Variants in SPX observed in about 807,000 individuals in gnomAD.
SPX encodes spexin hormone, also known as spexin.
A neutral mutation model predicts 19.2 loss-of-function variants in SPX; 22 were observed. The ratio of observed to expected loss-of-function variants is 1.15; its 90% CI spans 0.82 to 1.64. The LOEUF (loss-of-function observed/expected upper bound fraction) is 1.64. SPX is among the 40% of genes most tolerant of loss of function. SPX has a pLI of 0.00. For synonymous variants in SPX, 50 were observed against 53.3 expected (o/e 0.94, Z 0.27); for missense variants, 143 against 137.7 (o/e 1.04, Z -0.19).
intron 5 of SPX, 91 bp from the exon 6 acceptor site, chr12:21,531,046 T>C: frequency 2.5e-6 from 2 of 811,384 alleles, no homozygotes; most frequent in East Asian, 2.7e-5. Flanking sequence ...GAAGGCTAAA[T>C]GTTTATTTCC....
rs932842950 is a variant in SPX, at chr12:21,530,931, TC to T, written c.293-202del. Among the ~76,000 whole-genome samples the T allele has an allele frequency of 9.9e-5, 15 of 152,074 alleles. 1 individual carries two copies. The highest frequency in any genetic ancestry group is 8.5e-4 in the Admixed American group (13 of 15,266). On this transcript the variant is annotated intron_variant, in intron 5 of 5. Coordinates refer to ENST00000256969, the MANE Select transcript of SPX (RefSeq NM_030572.4). ...AGAGGTTCAGATGTAAAATATGAAT[TC>T]CCCAATGTGTCCCAAGCTGAGAAAA...
At chr12:21,526,778 G>A in intron 1 of SPX, 108 bp from the exon 2 acceptor site, 5 of 1,110,030 alleles carry the variant, frequency 4.5e-6, no homozygotes, top group Non-Finnish European at 5.4e-6. Flanking sequence ...TATTAAAACA[G>A]AATATTGCGA....
At chr12:21,530,146 AT>A (rs1441379025) in intron 5 of SPX, among the ~76,000 whole-genome samples, 1 of 152,206 alleles carries the variant, frequency 6.6e-6, no homozygotes, top group African/African-American at 2.4e-5. Context: ...GAAATGACTA[AT>A]TTTATTAGTC....
At chr12:21,527,948 G>T (rs929479245) in intron 4 of SPX, 159 bp downstream of exon 4, 3 of 740,146 alleles carry the variant, frequency 4.1e-6, no homozygotes, top group Admixed American at 6.5e-5. Context: ...GGGCAGCCCG[G>T]GTTGGCAGCA....
intron 5 of SPX, 65 bp from the exon 6 acceptor site, chr12:21,531,072 C>G (rs1943860783): frequency 1.0e-6 from 1 of 975,962 alleles, no homozygotes; most frequent in East Asian, 2.6e-5. Flanking sequence ...TTCTCTTTGT[C>G]TTACCTTTTC....
At chr12:21,527,879 A>G in intron 4 of SPX, 90 bp downstream of exon 4, 2 of 1,417,482 alleles carry the variant, frequency 1.4e-6, no homozygotes, top group Non-Finnish European at 1.9e-6. Context: ...TGCCGAAAGA[A>G]AGCGTCTCCT....
In SPX at chr12:21,529,004, G is replaced by A; in HGVS notation, c.212G>A (p.Arg71Lys). The change falls in exon 5 of 6, where the codon AGA (arginine) becomes AAA (lysine). Residue 71 changes from arginine (R) to lysine (K), a missense_variant. Physicochemically the swap from Arg to Lys is conservative, Grantham distance 26. Transcript: ENST00000256969. The stretch of plus-strand genomic sequence containing the variant: ...GTATACATTTTTGTTTCTGCAGAAA[G>A]ACGAAGCCCAAATCCCCAACTACTA... ...KDLSDRPLPE[R>K]RSPNPQLLTI... 1.2e-6 allele frequency: 2 copies of A among 1,613,956 alleles called. No individual in the cohort carries two copies. The highest frequency in any genetic ancestry group is 1.7e-6 in the Non-Finnish European group (2 of 1,179,868).
rs1466880368 is a variant in SPX, at chr12:21,532,691, C to A, written c.*1496C>A. The A allele has an allele frequency of 6.6e-6, 1 of 152,180 alleles. No individual in the cohort carries two copies. Among genetic ancestry groups the A allele is most frequent in the Non-Finnish European group, 1.5e-5 (1 of 68,022 alleles). The allele number at this position is 152,180 out of a possible 1,614,324, so 9.4% of individuals were successfully genotyped here. ...GGGACATTAAAAATTATTTACCCATCAGACATAAAATTGTACAAATTGACT... is the reference window on the plus strand; with the variant it reads ...GGGACATTAAAAATTATTTACCCATAAGACATAAAATTGTACAAATTGACT... On this transcript the variant is annotated 3_prime_UTR_variant, in exon 6 of 6. Transcript: ENST00000256969.
chr12:21,528,648 T>A (rs1943836986), intron 4 of SPX, among the ~76,000 whole-genome samples: 4 of 152,222 alleles, frequency 2.6e-5, no homozygotes. Flanking sequence ...ACAATTTGTC[T>A]TTTTTCAACT....
At chr12:21,531,017 C>T (rs1565587455) in intron 5 of SPX, 120 bp from the exon 6 acceptor site, 3 of 657,932 alleles carry the variant, frequency 4.6e-6, no homozygotes, top group East Asian at 5.7e-5. Flanking sequence ...TAGCAGAGTC[C>T]ATAAGTTAAC....
At chr12:21,529,407 G>T (rs1193496230) in intron 5 of SPX, among the ~76,000 whole-genome samples, 1 of 150,864 alleles carries the variant, frequency 6.6e-6, no homozygotes, top group Non-Finnish European at 1.5e-5. Flanking sequence ...CAAGGGAAAT[G>T]GGGGGAAATA....
Position 21,531,157 on chromosome 12 carries a change from C to T in SPX, c.313C>T (p.Gln105Ter). ...TACAGATGAAGAAAAAAACTTTGAT[C>T]AAACCAGATTCCTGGAAGACAGTCT... ...SPEDEEKNFD[Q>*]TRFLEDSLLN... Residue 105 changes from glutamine (Q) to a stop codon, truncating the protein, a stop_gained, in exon 6 of 6, where the codon CAA (glutamine) becomes TAA (stop). Coordinates refer to ENST00000256969, the MANE Select transcript of SPX (RefSeq NM_030572.4). LOFTEE classifies it high-confidence loss of function. 3.1e-6 allele frequency: 5 copies of T among 1,592,972 alleles called. No individual in the cohort carries two copies. The highest frequency in any genetic ancestry group is 1.4e-5 in the African/African-American group (1 of 73,922).
chr12:21,531,164 G>T lies in SPX; in HGVS notation c.320G>T (p.Arg107Ile). The T allele has an allele frequency of 6.3e-7, 1 of 1,595,716 alleles. No homozygotes were observed. The highest frequency in any genetic ancestry group is 8.6e-7 in the Non-Finnish European group (1 of 1,169,300). Reference sequence around the variant, plus strand: ...GAAGAAAAAAACTTTGATCAAACCAGATTCCTGGAAGACAGTCTGCTTAAC... The same window carrying T: ...GAAGAAAAAAACTTTGATCAAACCATATTCCTGGAAGACAGTCTGCTTAAC... ...EDEEKNFDQTRFLEDSLLNW is the reference protein window; with the variant it reads ...EDEEKNFDQTIFLEDSLLNW Residue 107 changes from arginine to isoleucine, a missense_variant, in exon 6 of 6, where the codon AGA (arginine) becomes ATA (isoleucine). Coordinates refer to ENST00000256969, the MANE Select transcript of SPX (RefSeq NM_030572.4).
Position 21,526,433 on chromosome 12 carries a change from A to G in SPX, c.-40A>G, listed in dbSNP as rs746124536. The G allele has an allele frequency of 1.9e-6, 3 of 1,564,170 alleles. No individual in the cohort carries two copies. The South Asian group carries it at 3.7e-5, about 19-fold the overall frequency. On this transcript the variant is annotated 5_prime_UTR_variant, in exon 1 of 6. In the 5' UTR this introduces an upstream ATG that the reference lacks. Coordinates refer to ENST00000256969, the MANE Select transcript of SPX (RefSeq NM_030572.4). ...GAGCAAGAGTCGAAAACTCACAGATAAAGTTATAGTTATTTCAGGGTTCTG... is the reference window on the plus strand; with the variant it reads ...GAGCAAGAGTCGAAAACTCACAGATGAAGTTATAGTTATTTCAGGGTTCTG...
intron 4 of SPX, 177 bp downstream of exon 4, chr12:21,527,966 C>G (rs1943831078): frequency 3.1e-6 from 2 of 642,442 alleles, no homozygotes; most frequent in South Asian, 4.4e-5. Context: ...GCAGCAGCAG[C>G]TGGATGCCGA....
chr12:21,530,521 G>A (rs1374910877), intron 5 of SPX, among the ~76,000 whole-genome samples: 3 of 152,130 alleles, frequency 2.0e-5, no homozygotes, highest in African/African-American at 4.8e-5. Flanking sequence ...TCTCCCTACC[G>A]TATTGTAACT....
intron 3 of SPX, 124 bp downstream of exon 3, chr12:21,527,316 T>A: frequency 7.5e-6 from 7 of 934,490 alleles, no homozygotes; most frequent in African/African-American, 1.6e-5. Context: ...ATCGAGGCCA[T>A]CAAAGAGACC....
At chr12:21,527,699 C>T in intron 3 of SPX, 28 bp from the exon 4 acceptor site, 1 of 1,554,988 alleles carries the variant, frequency 6.4e-7, no homozygotes, top group Non-Finnish European at 8.7e-7. Flanking sequence ...GCCAGGCTGT[C>T]GCTGAGCCCC....
chr12:21,526,465 C>T lies in SPX; in HGVS notation c.-8C>T, dbSNP rs531436047. 38 of 1,590,682 alleles carry T rather than the reference C, an allele frequency of 2.4e-5. 1 individual carries two copies. In the South Asian group the frequency reaches 2.5e-4, roughly 11 times the overall value. The stretch of plus-strand genomic sequence containing the variant: ...TAGTTATTTCAGGGTTCTGAAAAGA[C>T]GCAGAACATGAAGGTAAGTAAAGGC... On this transcript the variant is annotated 5_prime_UTR_variant, in exon 1 of 6. The change creates a new upstream start codon in the 5' untranslated region. Coordinates refer to ENST00000256969, the MANE Select transcript of SPX (RefSeq NM_030572.4).
Sources: gnomAD v4.1 joint callset for allele counts (sites outside exome capture counted in the v4.1 genomes callset) on GRCh38, gnomAD v4.1.1 for gene constraint, MANE v1.5 for transcripts, NCBI Gene and HGNC (gene_info 2026-07-23, HGNC 2026-07-21) for gene names.